Variants in CPQ observed in about 807,000 individuals in gnomAD.
CPQ encodes carboxypeptidase Q.
CPQ carries 37 observed loss-of-function variants against 45.7 expected under a neutral mutation model. That is an observed-to-expected ratio of 0.81 (90% confidence interval 0.62 to 1.07). The LOEUF (loss-of-function observed/expected upper bound fraction) is 1.07, where lower values mean the gene tolerates loss of function less well. Among genes scored for constraint, CPQ ranks in the 50% least tolerant of loss-of-function variants. The pLI, the probability that CPQ is intolerant of heterozygous loss-of-function variation, is 0.00. For missense variants in CPQ, 537 were observed against 572.9 expected (o/e 0.94, Z 0.64); for synonymous variants, 186 against 205.8 (o/e 0.90, Z 0.82).
At chr8:97,068,031 G>T (rs1563571422) in intron 7 of CPQ, among the ~76,000 whole-genome samples, 1 of 152,158 alleles carries the variant, frequency 6.6e-6, no homozygotes, top group Admixed American at 6.5e-5. Context: ...AGTGCAGACG[G>T]GGGGTGGTTC....
intron 5 of CPQ, among the ~76,000 whole-genome samples, chr8:97,011,802 G>C (rs1809489684): frequency 6.6e-6 from 1 of 152,064 alleles, no homozygotes; most frequent in Admixed American, 6.6e-5. Context: ...GTCAATCTTG[G>C]TCCCTTCTCC....
intron 1 of CPQ, among the ~76,000 whole-genome samples, chr8:96,702,853 G>A (rs1354236256): frequency 1.3e-5 from 2 of 151,940 alleles, no homozygotes; most frequent in African/African-American, 4.8e-5. Context: ...TTTTTTGGGG[G>A]GGTTGTGATT....
chr8:96,821,726 A>G (rs1811310430), intron 2 of CPQ, among the ~76,000 whole-genome samples: 1 of 151,860 alleles, frequency 6.6e-6, no homozygotes, highest in South Asian at 2.1e-4. Context: ...TAATAAATAA[A>G]TTCTCTCTCC....
At chr8:97,064,090 C>G (rs908811130) in intron 6 of CPQ, among the ~76,000 whole-genome samples, 1 of 152,128 alleles carries the variant, frequency 6.6e-6, no homozygotes, top group African/African-American at 2.4e-5. Context: ...TTCTTCCTAT[C>G]ATGTAGCTCC....
chr8:96,821,836 T>C (rs1419087658), intron 2 of CPQ, among the ~76,000 whole-genome samples: 2 of 152,124 alleles, frequency 1.3e-5, no homozygotes, highest in Admixed American at 6.6e-5. Flanking sequence ...ACAAGTGTGA[T>C]GTTTTGATAT....
chr8:96,709,992 C>T (rs987454491), intron 1 of CPQ, among the ~76,000 whole-genome samples: 1 of 151,928 alleles, frequency 6.6e-6, no homozygotes, highest in African/African-American at 2.4e-5. Context: ...ATGGATTTCC[C>T]CTATGAATCT....
At position 96,908,107 on chromosome 8, in the gene CPQ, CGTGTGTGTGTGTGTGTGTGTGT is replaced by C. The variant is rs35548556; in HGVS notation, c.849+28117_849+28138del. 1.0e-4 allele frequency among the ~76,000 whole-genome samples: 15 copies of C among 145,816 alleles called. No homozygotes were observed. In the South Asian group the frequency reaches 2.7e-3, roughly 26 times the overall value. ...TTATTGGATTTCTCCCCCACTGCAACGTGTGTGTGTGTGTGTGTGTGTGTGTGTGTGTGTGTCTGTGTGTGTG... is the reference window on the plus strand; with the variant it reads ...TTATTGGATTTCTCCCCCACTGCAACGTGTGTGTGTGTGTCTGTGTGTGTG... On this transcript the variant is annotated intron_variant, in intron 4 of 7. Coordinates refer to ENST00000220763, the MANE Select transcript of CPQ (RefSeq NM_016134.4).
chr8:96,689,141 C>T (rs7822811), intron 1 of CPQ, among the ~76,000 whole-genome samples: 3,701 of 152,238 alleles, frequency 0.024, 167 homozygotes, highest in African/African-American at 0.084. Context: ...AACCAGCCAA[C>T]GTTAAGAGAA....
chr8:97,038,440 T>C (rs1194225614), intron 6 of CPQ, among the ~76,000 whole-genome samples: 1 of 152,158 alleles, frequency 6.6e-6, no homozygotes, highest in Non-Finnish European at 1.5e-5. Context: ...GGATATCTAG[T>C]GCATGAACTT....
intron 4 of CPQ, among the ~76,000 whole-genome samples, chr8:96,962,043 C>A (rs1813469276): frequency 6.6e-6 from 1 of 152,202 alleles, no homozygotes; most frequent in Admixed American, 6.5e-5. Context: ...CTCAGACCTA[C>A]AGCTGGCCTG....
At chr8:96,899,417 T>C (rs1253022501) in intron 4 of CPQ, among the ~76,000 whole-genome samples, 1 of 152,186 alleles carries the variant, frequency 6.6e-6, no homozygotes, top group Non-Finnish European at 1.5e-5. Context: ...TGCATTGCTA[T>C]TAAGAAATAC....
intron 5 of CPQ, among the ~76,000 whole-genome samples, chr8:96,984,576 A>C (rs1442870157): frequency 6.6e-6 from 1 of 152,198 alleles, no homozygotes; most frequent in African/African-American, 2.4e-5. Context: ...CTTGATCTTG[A>C]ACTTGTCAGG....
intron 6 of CPQ, among the ~76,000 whole-genome samples, chr8:97,052,149 C>A (rs1176500758): frequency 6.6e-6 from 1 of 152,132 alleles, no homozygotes; most frequent in Non-Finnish European, 1.5e-5. Context: ...CCTCTTCTAC[C>A]TTTAGGTGAT....
chr8:96,863,948 C>A (rs1350022286), intron 3 of CPQ, among the ~76,000 whole-genome samples: 1 of 152,040 alleles, frequency 6.6e-6, no homozygotes, highest in African/African-American at 2.4e-5. Flanking sequence ...AAATTACTAA[C>A]AAATTAGATC....
At chr8:96,754,960 ATC>A (rs1810312084) in intron 1 of CPQ, among the ~76,000 whole-genome samples, 1 of 151,844 alleles carries the variant, frequency 6.6e-6, no homozygotes, top group Non-Finnish European at 1.5e-5. Flanking sequence ...TAATCTACTT[ATC>A]TCTTCCATCT....
intron 1 of CPQ, among the ~76,000 whole-genome samples, chr8:96,657,859 G>T (rs1035435192): frequency 2.6e-5 from 4 of 152,168 alleles, no homozygotes; most frequent in African/African-American, 9.7e-5. Context: ...ATAATGCTGT[G>T]AAGTAGCTCA....
intron 2 of CPQ, among the ~76,000 whole-genome samples, chr8:96,807,460 C>T (rs573435549): frequency 6.6e-6 from 1 of 152,104 alleles, no homozygotes; most frequent in Non-Finnish European, 1.5e-5. Flanking sequence ...GTCTCGATCT[C>T]CTGACCTCGT....
chr8:96,779,247 CT>C (rs200774111), intron 1 of CPQ, among the ~76,000 whole-genome samples: 1,658 of 152,146 alleles, frequency 0.011, 41 homozygotes, highest in African/African-American at 0.036. Flanking sequence ...TTTCCTAAGA[CT>C]GTCTTCAGAT....
intron 2 of CPQ, among the ~76,000 whole-genome samples, chr8:96,831,748 T>A (rs1370298171): frequency 2.6e-5 from 4 of 152,134 alleles, no homozygotes; most frequent in Admixed American, 2.6e-4. Context: ...ATGGCTCACA[T>A]CTGTTATTGG....
Sources: gnomAD v4.1 joint callset for allele counts (sites outside exome capture counted in the v4.1 genomes callset) on GRCh38, gnomAD v4.1.1 for gene constraint, MANE v1.5 for transcripts, NCBI Gene and HGNC (gene_info 2026-07-23, HGNC 2026-07-21) for gene names.